The following SOD2 variants were observed in gnomAD, a reference collection of about 807,000 sequenced individuals.
SOD2 encodes superoxide dismutase 2.
SOD2 carries 11 observed loss-of-function variants against 27.0 expected under a neutral mutation model. The ratio of observed to expected loss-of-function variants is 0.41; its 90% CI spans 0.26 to 0.67. The LOEUF (loss-of-function observed/expected upper bound fraction) is 0.67, where lower values mean the gene tolerates loss of function less well. SOD2 is among the 30% of genes least tolerant of loss of function. SOD2 has a pLI of 0.34. For synonymous variants in SOD2, 105 were observed against 103.0 expected (o/e 1.02, Z -0.12); for missense variants, 250 against 274.5 (o/e 0.91, Z 0.63).
chr6:159,697,906 G>A (rs777422886), upstream of SOD2, among the ~76,000 whole-genome samples: 6 of 152,198 alleles, frequency 3.9e-5, no homozygotes, highest in African/African-American at 7.2e-5. Context: ...TTGGGAGGCC[G>A]AGGTGGGCGG....
chr6:159,728,239 T>TAA (rs1336528773), upstream of SOD2, among the ~76,000 whole-genome samples: 1 of 152,246 alleles, frequency 6.6e-6, no homozygotes, highest in East Asian at 1.9e-4. Context: ...ATCCAAGTCT[T>TAA]ACCTTGGATC....
chr6:159,716,824 C>T (rs1777929427), intron 1 of SOD2, among the ~76,000 whole-genome samples: 1 of 152,156 alleles, frequency 6.6e-6, no homozygotes, highest in Non-Finnish European at 1.5e-5. Context: ...CAGTAGCACA[C>T]TTGTTGAGAA....
upstream of SOD2, among the ~76,000 whole-genome samples, chr6:159,697,557 G>GGA (rs1381688984): frequency 6.6e-6 from 1 of 152,210 alleles, no homozygotes; most frequent in Non-Finnish European, 1.5e-5. Flanking sequence ...AAGGAAAGGA[G>GGA]GAGCTTGGTT....
intron 1 of SOD2, among the ~76,000 whole-genome samples, chr6:159,721,675 C>CTTTTTT (rs55950207): frequency 1.2e-5 from 1 of 82,206 alleles, no homozygotes; most frequent in Admixed American, 1.7e-4. Context: ...TGCGGCTGAC[C>CTTTTTT]TTTTTTTTTT....
intron 1 of SOD2, among the ~76,000 whole-genome samples, chr6:159,703,271 G>A (rs192023585): frequency 8.6e-5 from 13 of 151,260 alleles, no homozygotes; most frequent in South Asian, 6.3e-4. Flanking sequence ...CCAAGATTGC[G>A]CCATTGCACT....
At chr6:159,696,462 G>A (rs1374830319), upstream of SOD2, among the ~76,000 whole-genome samples, 4 of 152,114 alleles carry the variant, frequency 2.6e-5, no homozygotes, top group African/African-American at 7.2e-5. Flanking sequence ...TGGGATTACA[G>A]GTGCGTGCCA....
rs143492965 is a variant in SOD2 at position 159,718,028 on chromosome 6, T to C, written c.-116+9101A>G. 5.9e-3 allele frequency among the ~76,000 whole-genome samples: 894 copies of C among 152,142 alleles called. 7 individuals carry two copies. Among genetic ancestry groups the C allele is most frequent in the South Asian group, 0.019 (90 of 4,818 alleles). ...TTTCTGGGATAGGGTCTCTCCCCTC[T>C]GTCACCCAGGCTGGAATGCAGAGGT... On this transcript the variant is annotated intron_variant, in intron 1 of 2. Transcript: ENST00000401980.
chr6:159,739,748 TTTG>T (rs887865084), intron 1 of SOD2, among the ~76,000 whole-genome samples: 66 of 151,424 alleles, frequency 4.4e-4, no homozygotes, highest in Middle Eastern at 3.4e-3. Context: ...TAACACAGAT[TTTG>T]TTGTTTCCTA....
chr6:159,690,042 G>A (rs2758336), intron 2 of SOD2, among the ~76,000 whole-genome samples: 60,861 of 151,304 alleles, frequency 0.4, 13,540 homozygotes, highest in Non-Finnish European at 0.49. Flanking sequence ...CCAGCACTTT[G>A]GGAGGCTGAG....
chr6:159,732,152 A>C (rs147605893), upstream of SOD2, among the ~76,000 whole-genome samples: 26 of 152,252 alleles, frequency 1.7e-4, no homozygotes, highest in African/African-American at 6.3e-4. Context: ...TGTATTTTTT[A>C]ATCTGAGTTT....
chr6:159,755,778 T>TC, intron 1 of SOD2: 2 of 1,045,828 alleles, frequency 1.9e-6, no homozygotes, highest in Non-Finnish European at 2.4e-6. Flanking sequence ...TTTTTTTTTT[T>TC]TTTTTTTTTT....
intron 1 of SOD2, among the ~76,000 whole-genome samples, chr6:159,710,918 GATC>G: frequency 6.9e-6 from 1 of 145,762 alleles, no homozygotes; most frequent in African/African-American, 2.6e-5. Flanking sequence ...ACATTGCTCT[GATC>G]ACCATAACCA....
chr6:159,713,336 CTAT>C, intron 1 of SOD2: 1 of 658,290 alleles, frequency 1.5e-6, no homozygotes. Flanking sequence ...TCTGCCAATG[CTAT>C]TACACCTCAG....
chr6:159,700,278 A>G (rs141685271), intron 1 of SOD2, among the ~76,000 whole-genome samples: 2,102 of 152,302 alleles, frequency 0.014, 52 homozygotes, highest in African/African-American at 0.047. Flanking sequence ...GAAATTAGAG[A>G]CAACACATTA....
rs1032548833 is a variant in SOD2 at position 159,692,629 on chromosome 6, G to T, written c.226+32C>A. On this transcript the variant is annotated intron_variant, in intron 2 of 4. Coordinates refer to ENST00000538183, the MANE Select transcript of SOD2 (RefSeq NM_000636.4). Reference sequence around the variant, plus strand: ...GCTCCCTGGGGTCGCCTCTGCCGGGGACTGCCTCCCGCCGCTCAGCCTGGA... The same window carrying T: ...GCTCCCTGGGGTCGCCTCTGCCGGGTACTGCCTCCCGCCGCTCAGCCTGGA... 4.3e-6 allele frequency: 7 copies of T among 1,610,194 alleles called. No homozygotes were observed. The Admixed American group carries it at 1.2e-4, about 27-fold the overall frequency.
In SOD2 at chr6:159,719,657, A is replaced by G. The variant is rs576919139; in HGVS notation, c.-116+7472T>C. On this transcript the variant is annotated intron_variant, in intron 1 of 2. Coordinates refer to the SOD2 transcript ENST00000401980. Reference sequence around the variant, plus strand: ...AAAAAAAAAAAAAAGTTGCAGGCTAAGTATTAGGCTGATGGCAAAGAAGTG... The same window carrying G: ...AAAAAAAAAAAAAAGTTGCAGGCTAGGTATTAGGCTGATGGCAAAGAAGTG... Among the ~76,000 whole-genome samples the G allele has an allele frequency of 3.3e-5, 5 of 151,580 alleles. No homozygotes were observed. The East Asian group carries it at 9.7e-4, about 29-fold the overall frequency.
intron 1 of SOD2, among the ~76,000 whole-genome samples, chr6:159,706,230 G>A (rs1280224686): frequency 1.3e-5 from 2 of 152,004 alleles, no homozygotes; most frequent in Admixed American, 6.6e-5. Flanking sequence ...AATAACCAGC[G>A]AACATCCTAG....
intron 1 of SOD2, among the ~76,000 whole-genome samples, chr6:159,700,607 T>C (rs753467123): frequency 4.0e-5 from 6 of 149,370 alleles, no homozygotes; most frequent in Admixed American, 6.7e-5. Context: ...TAAGCCAAGA[T>C]TGCGTCACTG....
upstream of SOD2, among the ~76,000 whole-genome samples, chr6:159,695,475 A>G (rs1002796257): frequency 1.3e-5 from 2 of 152,128 alleles, no homozygotes; most frequent in Non-Finnish European, 2.9e-5. Context: ...TGGGAGGTAA[A>G]GAAAAGTTTA....
Sources: gnomAD v4.1 joint callset for allele counts (sites outside exome capture counted in the v4.1 genomes callset) on GRCh38, gnomAD v4.1.1 for gene constraint, MANE v1.5 for transcripts, NCBI Gene and HGNC (gene_info 2026-07-23, HGNC 2026-07-21) for gene names.